SKA2: variants seen among roughly 807,000 people sequenced by gnomAD.
The protein encoded by SKA2 is spindle and kinetochore-associated protein 2.
A neutral mutation model predicts 16.9 loss-of-function variants in SKA2; 13 were observed. The observed-to-expected ratio is 0.77, with a 90% CI of 0.50 to 1.22. SKA2 has a LOEUF of 1.22. Ranked by LOEUF, SKA2 falls within the 50% of genes most tolerant of loss-of-function variation. The pLI, the probability that SKA2 is intolerant of heterozygous loss-of-function variation, is 0.00. For missense variants in SKA2, 107 were observed against 139.7 expected (o/e 0.77, Z 1.18); for synonymous variants, 47 against 48.5 (o/e 0.97, Z 0.13).
chr17:59,134,901 C>A (rs561685359), intron 1 of SKA2, among the ~76,000 whole-genome samples: 1 of 152,182 alleles, frequency 6.6e-6, no homozygotes, highest in South Asian at 2.1e-4. Context: ...GTGGCAACAA[C>A]TCGGCTCACT....
At chr17:59,127,713 T>C (rs2046381578) in intron 2 of SKA2, among the ~76,000 whole-genome samples, 1 of 151,930 alleles carries the variant, frequency 6.6e-6, no homozygotes, top group Non-Finnish European at 1.5e-5. Context: ...AAACTGAGAA[T>C]GTAAAATGCT....
chr17:59,118,975 A>C (rs926087107), intron 3 of SKA2, among the ~76,000 whole-genome samples: 1 of 152,138 alleles, frequency 6.6e-6, no homozygotes, highest in African/African-American at 2.4e-5. Flanking sequence ...GTCCAGACAC[A>C]GCTCCTTGAT....
chr17:59,154,820 C>G lies in SKA2; in HGVS notation c.33+311G>C, dbSNP rs547848246. The stretch of plus-strand genomic sequence containing the variant: ...ATTCACATCTTTTTTGGTACAAACA[C>G]AGAATGCGGTCTGCACCCGGCGCAG... On this transcript the variant is annotated intron_variant, in intron 1 of 3. Coordinates refer to ENST00000330137, the MANE Select transcript of SKA2 (RefSeq NM_182620.4). The G allele has an allele frequency of 6.7e-6, 6 of 899,418 alleles. No homozygotes were observed. In the East Asian group the frequency reaches 1.2e-4, roughly 18 times the overall value. The allele number at this position is 899,418 out of a possible 1,614,324, so 55.7% of individuals were successfully genotyped here.
chr17:59,147,377 G>GACACAC (rs57098353), intron 1 of SKA2, among the ~76,000 whole-genome samples: 2,022 of 138,204 alleles, frequency 0.015, 44 homozygotes, highest in African/African-American at 0.045. Context: ...TTATATATAA[G>GACACAC]ACACACACAC....
At chr17:59,141,461 C>T (rs1471209560) in intron 1 of SKA2, among the ~76,000 whole-genome samples, 1 of 151,970 alleles carries the variant, frequency 6.6e-6, no homozygotes, top group Non-Finnish European at 1.5e-5. Flanking sequence ...CACAGTGGCT[C>T]AGGCCTGTAA....
chr17:59,123,675 A>G (rs2046352687), intron 2 of SKA2, among the ~76,000 whole-genome samples: 2 of 152,180 alleles, frequency 1.3e-5, no homozygotes, highest in Admixed American at 6.6e-5. Flanking sequence ...CAGCATCCCA[A>G]GTAGCTGGGA....
intron 2 of SKA2, among the ~76,000 whole-genome samples, chr17:59,130,020 G>A (rs978380524): frequency 1.1e-4 from 15 of 130,470 alleles, no homozygotes; most frequent in Non-Finnish European, 1.9e-4. Context: ...AGAGAGGGAG[G>A]GAGGAAGAGA....
At chr17:59,115,140 G>A (rs1050257443) in intron 3 of SKA2, among the ~76,000 whole-genome samples, 6 of 143,010 alleles carry the variant, frequency 4.2e-5, no homozygotes, top group East Asian at 4.2e-4. Context: ...TGCAACCTCC[G>A]CCTCCCAGGT....
chr17:59,120,642 A>C (rs879527753), intron 2 of SKA2, among the ~76,000 whole-genome samples: 1 of 152,146 alleles, frequency 6.6e-6, no homozygotes, highest in Non-Finnish European at 1.5e-5. Context: ...CATAACTGTA[A>C]ATTTTCGCAG....
At chr17:59,133,015 T>C (rs1423969636) in intron 1 of SKA2, among the ~76,000 whole-genome samples, 1 of 152,240 alleles carries the variant, frequency 6.6e-6, no homozygotes, top group Non-Finnish European at 1.5e-5. Context: ...TCTTGCTCTA[T>C]AGCCCAGGCT....
chr17:59,133,066 C>T (rs1177561981), intron 1 of SKA2, among the ~76,000 whole-genome samples: 1 of 152,182 alleles, frequency 6.6e-6, no homozygotes, highest in Non-Finnish European at 1.5e-5. Flanking sequence ...CAGTGTCAAA[C>T]TCCTGGGCTC....
chr17:59,143,223 TGA>T (rs146234990), intron 1 of SKA2, among the ~76,000 whole-genome samples: 1 of 151,820 alleles, frequency 6.6e-6, no homozygotes, highest in African/African-American at 2.4e-5. Context: ...CTTTTTTTTT[TGA>T]GAGAGTCTCA....
At chr17:59,128,859 C>G (rs2046389762) in intron 2 of SKA2, among the ~76,000 whole-genome samples, 1 of 151,784 alleles carries the variant, frequency 6.6e-6, no homozygotes, top group Non-Finnish European at 1.5e-5. Flanking sequence ...GCTACAAAAC[C>G]ATGAATACTA....
intron 2 of SKA2, among the ~76,000 whole-genome samples, chr17:59,128,567 A>G (rs1568305104): frequency 6.6e-6 from 1 of 151,686 alleles, no homozygotes. Flanking sequence ...CGGAGGTTGC[A>G]GGGAGCAGAG....
chr17:59,133,354 T>C (rs945151464), intron 1 of SKA2, among the ~76,000 whole-genome samples: 8 of 152,194 alleles, frequency 5.3e-5, no homozygotes, highest in Non-Finnish European at 1.2e-4. Flanking sequence ...AAAGCATATA[T>C]TGCCTCGAGT....
chr17:59,116,144 G>A (rs867489285), intron 3 of SKA2, among the ~76,000 whole-genome samples: 10 of 152,152 alleles, frequency 6.6e-5, no homozygotes, highest in African/African-American at 1.7e-4. Flanking sequence ...GCCAAGACAG[G>A]TGGATCACTT....
At chr17:59,144,105 G>A (rs568900374) in intron 1 of SKA2, among the ~76,000 whole-genome samples, 9 of 152,042 alleles carry the variant, frequency 5.9e-5, no homozygotes, top group African/African-American at 1.4e-4. Context: ...GCAATAAGCC[G>A]AGATCACGCC....
chr17:59,148,798 G>A (rs2046553794), intron 1 of SKA2, among the ~76,000 whole-genome samples: 1 of 67,344 alleles, frequency 1.5e-5, no homozygotes, highest in South Asian at 4.8e-4. Flanking sequence ...AATAGAACAA[G>A]ACCCTGTCTC....
At chr17:59,117,599 T>C (rs1161424503) in intron 3 of SKA2, among the ~76,000 whole-genome samples, 1 of 151,810 alleles carries the variant, frequency 6.6e-6, no homozygotes, top group Non-Finnish European at 1.5e-5. Flanking sequence ...TTTTCTTTTT[T>C]TTTTTGGTAG....
Sources: gnomAD v4.1 joint callset for allele counts (sites outside exome capture counted in the v4.1 genomes callset) on GRCh38, gnomAD v4.1.1 for gene constraint, MANE v1.5 for transcripts, NCBI Gene and HGNC (gene_info 2026-07-23, HGNC 2026-07-21) for gene names.